The following CLYBL variants were observed in gnomAD, a reference collection of about 807,000 sequenced individuals.
CLYBL encodes the protein citramalyl-CoA lyase, mitochondrial.
A neutral mutation model predicts 38.9 loss-of-function variants in CLYBL; 31 were observed. The observed-to-expected ratio is 0.80, with a 90% confidence interval of 0.60 to 1.08. The LOEUF is 1.08. CLYBL is among the 50% of genes least tolerant of loss of function. The probability of loss-of-function intolerance (pLI) is 0.00; values close to 1 mark genes in which losing one functional copy is unlikely to be tolerated. For missense variants in CLYBL, 434 were observed against 411.6 expected (o/e 1.05, Z -0.47); for synonymous variants, 171 against 158.6 (o/e 1.08, Z -0.59).
intron 1 of CLYBL, among the ~76,000 whole-genome samples, chr13:99,724,998 A>C (rs2048449756): frequency 6.6e-6 from 1 of 152,176 alleles, no homozygotes; most frequent in Non-Finnish European, 1.5e-5. Flanking sequence ...GCTATAGATA[A>C]TTTCAGTCAA....
At chr13:99,892,172 A>C (rs2052506193) in intron 8 of CLYBL, 1 of 152,192 alleles carries the variant, frequency 6.6e-6, no homozygotes, top group South Asian at 2.1e-4. Flanking sequence ...TTTGCCATTG[A>C]GGCTATTTCC....
At chr13:99,795,606 A>G (rs2050006089) in intron 2 of CLYBL, among the ~76,000 whole-genome samples, 1 of 152,154 alleles carries the variant, frequency 6.6e-6, no homozygotes, top group African/African-American at 2.4e-5. Flanking sequence ...GTGGGCCATG[A>G]TCATGCCACC....
At chr13:99,674,142 C>CTTTTTTTTTTTTT (rs1167068936) in intron 1 of CLYBL, among the ~76,000 whole-genome samples, 1 of 51,148 alleles carries the variant, frequency 2.0e-5, no homozygotes, top group African/African-American at 8.8e-5. Context: ...TACTAGAATT[C>CTTTTTTTTTTTTT]TTTTTTTTTT....
intron 1 of CLYBL, among the ~76,000 whole-genome samples, chr13:99,698,697 A>G (rs2048016226): frequency 6.6e-6 from 1 of 152,226 alleles, no homozygotes; most frequent in South Asian, 2.1e-4. Flanking sequence ...TTGTAGCTAT[A>G]AAGCCCTGGA....
intron 1 of CLYBL, among the ~76,000 whole-genome samples, chr13:99,616,757 A>C (rs879161618): frequency 1.1e-4 from 16 of 152,140 alleles, no homozygotes; most frequent in African/African-American, 3.9e-4. Context: ...GAAGTTCAAG[A>C]CCAGCCTGGC....
At chr13:99,833,743 G>A (rs1048085351) in intron 2 of CLYBL, among the ~76,000 whole-genome samples, 2 of 132,438 alleles carry the variant, frequency 1.5e-5, no homozygotes, top group Admixed American at 8.5e-5. Context: ...AGGCTAGAGT[G>A]CAGTGGCGCA....
chr13:99,784,078 T>C (rs1486232229), intron 2 of CLYBL: 1 of 152,212 alleles, frequency 6.6e-6, no homozygotes, highest in Non-Finnish European at 1.5e-5. Context: ...TGTGCCAACG[T>C]TGCAGCAAGA....
chr13:99,802,832 C>T (rs375106656), intron 2 of CLYBL, among the ~76,000 whole-genome samples: 3 of 152,168 alleles, frequency 2.0e-5, no homozygotes, highest in East Asian at 3.8e-4. Flanking sequence ...ATCTTCCTGG[C>T]TGTATATTCT....
chr13:99,736,737 G>T (rs1212974001), intron 1 of CLYBL, among the ~76,000 whole-genome samples: 1 of 152,090 alleles, frequency 6.6e-6, no homozygotes, highest in African/African-American at 2.4e-5. Flanking sequence ...ACTCCTCTGA[G>T]AACCCTCTCC....
chr13:99,674,682 AAC>A (rs2047618099), intron 1 of CLYBL, among the ~76,000 whole-genome samples: 1 of 152,142 alleles, frequency 6.6e-6, no homozygotes, highest in South Asian at 2.1e-4. Context: ...TGGACACTCC[AAC>A]ATTAAGGGAT....
chr13:99,644,135 A>T (rs968949488), intron 1 of CLYBL, among the ~76,000 whole-genome samples: 7 of 151,430 alleles, frequency 4.6e-5, no homozygotes, highest in Admixed American at 4.6e-4. Context: ...TGGTGTATGT[A>T]TGTATATGTG....
chr13:99,739,715 G>A (rs1409945807), intron 1 of CLYBL, among the ~76,000 whole-genome samples: 3 of 152,142 alleles, frequency 2.0e-5, no homozygotes, highest in East Asian at 1.9e-4. Context: ...GGCTCACGCC[G>A]GTAATCCCAG....
chr13:99,655,080 C>CT (rs561111559), intron 1 of CLYBL, among the ~76,000 whole-genome samples: 19,727 of 142,742 alleles, frequency 0.14, 1,549 homozygotes, highest in African/African-American at 0.22. Context: ...GCATTTCTTT[C>CT]TTTTTTTTTT....
chr13:99,616,843 C>G (rs1263054242), intron 1 of CLYBL, among the ~76,000 whole-genome samples: 2 of 152,064 alleles, frequency 1.3e-5, no homozygotes, highest in Non-Finnish European at 2.9e-5. Context: ...GTAGTCCCAG[C>G]TACTCAGGAG....
intron 2 of CLYBL, among the ~76,000 whole-genome samples, 173 bp from the exon 3 acceptor site, chr13:99,858,688 C>T (rs989559476): frequency 6.6e-6 from 1 of 152,194 alleles, no homozygotes; most frequent in African/African-American, 2.4e-5. Flanking sequence ...ATCAACTGCT[C>T]ACCTTTCAGA....
At chr13:99,606,888 G>T (rs1044533507) in intron 1 of CLYBL, 131 bp downstream of exon 1, 1 of 1,262,332 alleles carries the variant, frequency 7.9e-7, no homozygotes. Flanking sequence ...AGCACCATGC[G>T]CCTCCCACGC....
chr13:99,719,610 G>A (rs1431741319), intron 1 of CLYBL, among the ~76,000 whole-genome samples: 2 of 152,072 alleles, frequency 1.3e-5, no homozygotes, highest in East Asian at 1.9e-4. Context: ...GGGTTCAAGC[G>A]ATTCTCCTGC....
At chr13:99,699,795 C>G (rs904988376) in intron 1 of CLYBL, among the ~76,000 whole-genome samples, 1 of 151,260 alleles carries the variant, frequency 6.6e-6, no homozygotes, top group Non-Finnish European at 1.5e-5. Context: ...AGTTCGAGAC[C>G]ATCCTGGCTA....
chr13:99,845,041 T>C (rs2051167586), intron 2 of CLYBL, among the ~76,000 whole-genome samples: 1 of 152,202 alleles, frequency 6.6e-6, no homozygotes, highest in African/African-American at 2.4e-5. Flanking sequence ...ACTAATATTG[T>C]GAAAGAGAAC....
Sources: gnomAD v4.1 joint callset for allele counts (sites outside exome capture counted in the v4.1 genomes callset) on GRCh38, gnomAD v4.1.1 for gene constraint, MANE v1.5 for transcripts, NCBI Gene and HGNC (gene_info 2026-07-23, HGNC 2026-07-21) for gene names.